Variants in MFN2 observed in about 807,000 individuals in gnomAD.
MFN2 encodes the protein mitofusin 2.
In MFN2, 43 loss-of-function variants were observed where a neutral mutation model predicts 87.5. The ratio of observed to expected loss-of-function variants is 0.49; its 90% CI spans 0.38 to 0.63. The LOEUF (loss-of-function observed/expected upper bound fraction) is 0.63, where lower values mean the gene tolerates loss of function less well. Among genes scored for constraint, MFN2 ranks in the 30% least tolerant of loss-of-function variants. The pLI is 0.00. For missense variants in MFN2, 743 were observed against 972.8 expected, an observed-to-expected ratio of 0.76 and a Z score of 3.14; for synonymous variants, 337 against 359.9, an observed-to-expected ratio of 0.94 and a Z score of 0.72.
rs1366486612 is a variant in MFN2, at chr1:12,005,879, G to A, written c.1664G>A (p.Arg555Lys). Residue 555 changes from arginine to lysine, a missense_variant, in exon 15 of 19, where the codon AGG becomes AAG. Physicochemically the swap from Arg to Lys is conservative, Grantham distance 26. This residue lies in a region of MFN2 where 571 missense variants were observed against 670.7 expected (regional missense o/e 0.85). Transcript: ENST00000235329. ...FSLGWTMLVN[R>K]FLGPKNSRRA... ...CTCGGATGGACCATGCTGGTGAATAGGTTCCTGGGCCCCAAGAACAGCCGT... is the reference window on the plus strand; with the variant it reads ...CTCGGATGGACCATGCTGGTGAATAAGTTCCTGGGCCCCAAGAACAGCCGT... The A allele has an allele frequency of 6.2e-7, 1 of 1,614,054 alleles. No homozygotes were observed. The highest frequency in any genetic ancestry group is 1.3e-5 in the African/African-American group (1 of 74,932).
At chr1:12,008,391 C>G (rs1241446148) in intron 17 of MFN2, among the ~76,000 whole-genome samples, 1 of 146,500 alleles carries the variant, frequency 6.8e-6, no homozygotes, top group Admixed American at 6.8e-5. Context: ...CCACCTCCCT[C>G]CCGGACGGGG....
At chr1:11,994,326 C>A (rs367696013) in intron 4 of MFN2, among the ~76,000 whole-genome samples, 4 of 152,190 alleles carry the variant, frequency 2.6e-5, no homozygotes, top group South Asian at 4.1e-4. Context: ...CGGTGGCTCA[C>A]GCCTGTAATC....
chr1:12,004,622 T>G lies in MFN2; in HGVS notation c.1392+9T>G. ...TCAAGGTTTATAAGAATGTGAGTCA[T>G]GGAGCAACAGGTCCTCTTGGCAGGA... On this transcript the variant is annotated intron_variant, in intron 13 of 18. Coordinates refer to ENST00000235329, the MANE Select transcript of MFN2 (RefSeq NM_014874.4). The surrounding 1 kb of genome is among the most constrained non-coding windows in gnomAD (Gnocchi z 4.2). 1 of 1,612,522 alleles carries G rather than the reference T, an allele frequency of 6.2e-7. No homozygotes were observed. The highest frequency in any genetic ancestry group is 8.5e-7 in the Non-Finnish European group (1 of 1,178,512).
intron 16 of MFN2, 49 bp downstream of exon 16, chr1:12,006,742 C>CCGGGGGGGG: frequency 1.2e-6 from 1 of 821,236 alleles, no homozygotes; most frequent in Non-Finnish European, 1.9e-6. Context: ...GGCAGGTGGG[C>CCGGGGGGGG]GGGGCCTGAG....
Position 12,004,597 on chromosome 1 carries a change from T to C in MFN2, c.1376T>C (p.Leu459Pro). The change falls in exon 13 of 19, where the codon CTC becomes CCC. Residue 459 changes from leucine to proline, a missense_variant. By Grantham distance (98) the Leu-to-Pro change is moderately conservative. This residue lies in a region of MFN2 where 571 missense variants were observed against 670.7 expected (regional missense o/e 0.85). Coordinates refer to ENST00000235329, the MANE Select transcript of MFN2 (RefSeq NM_014874.4). This position sits in a 1 kb window ranked among gnomAD's most constrained non-coding sequence, Gnocchi z 4.2. ...GACTTCCACCCTTCTCCAGTAGTCCTCAAGGTTTATAAGAATGTGAGTCAT... is the reference window on the plus strand; with the variant it reads ...GACTTCCACCCTTCTCCAGTAGTCCCCAAGGTTTATAAGAATGTGAGTCAT... ...QMDFHPSPVVLKVYKNELHRH... is the reference protein window; with the variant it reads ...QMDFHPSPVVPKVYKNELHRH... 1 of 1,614,044 alleles carries C rather than the reference T, an allele frequency of 6.2e-7. No homozygotes were observed. The highest frequency in any genetic ancestry group is 8.5e-7 in the Non-Finnish European group (1 of 1,179,922).
intron 18 of MFN2, 105 bp from the exon 19 acceptor site, chr1:12,011,391 G>A: frequency 5.3e-6 from 6 of 1,128,230 alleles, no homozygotes; most frequent in Non-Finnish European, 8.0e-6. Context: ...GTTGGAGGAT[G>A]ATGTAAGGGT....
At chr1:12,008,607 C>CGGG (rs921628504) in intron 17 of MFN2, among the ~76,000 whole-genome samples, 6 of 149,916 alleles carry the variant, frequency 4.0e-5, no homozygotes, top group African/African-American at 1.5e-4. Context: ...ACCTCCTAGA[C>CGGG]GGGGTTGTGG....
In MFN2 at chr1:12,011,695, CG is replaced by C; in HGVS notation, c.*131del. The C allele has an allele frequency of 4.1e-6, 4 of 965,612 alleles. No homozygotes were observed. Among genetic ancestry groups the C allele is most frequent in the Non-Finnish European group, 6.5e-6 (4 of 616,476 alleles). The allele number at this position is 965,612 out of a possible 1,614,324, so 59.8% of individuals were successfully genotyped here. On this transcript the variant is annotated 3_prime_UTR_variant, in exon 19 of 19. Coordinates refer to ENST00000235329, the MANE Select transcript of MFN2 (RefSeq NM_014874.4). ...GCCAAGAGAATGAAGCACCCAGTCT[CG>C]TACCATTTTGAGCCCTCCAGCACTA...
chr1:12,009,301 C>T (rs1465557727), intron 17 of MFN2, among the ~76,000 whole-genome samples: 2 of 152,154 alleles, frequency 1.3e-5, no homozygotes, highest in Admixed American at 1.3e-4. Context: ...GTGACGTGTC[C>T]TCTGCTACTC....
In MFN2 at chr1:12,003,360, G is replaced by A. The variant is rs1021174157; in HGVS notation, c.1161-632G>A. Among the ~76,000 whole-genome samples, 12 of 152,174 alleles carry A rather than the reference G, an allele frequency of 7.9e-5. No individual in the cohort carries two copies. Among genetic ancestry groups the A allele is most frequent in the Admixed American group, 2.6e-4 (4 of 15,284 alleles). On this transcript the variant is annotated intron_variant, in intron 11 of 18. Transcript: ENST00000235329. The surrounding 1 kb of genome is among the most constrained non-coding windows in gnomAD (Gnocchi z 4.1). ...TTTTGCCAGGCCTTGGTAGAAAATA[G>A]TGCCTTTAAAAATTTCATTTACAAC...
At chr1:11,999,179 A>C in intron 8 of MFN2, 84 bp downstream of exon 8, 1 of 1,061,564 alleles carries the variant, frequency 9.4e-7, no homozygotes, top group Non-Finnish European at 1.5e-6. Flanking sequence ...GCACCCCTGG[A>C]TCTAGTGACT....
intron 3 of MFN2, among the ~76,000 whole-genome samples, chr1:11,989,705 G>A (rs1638591141): frequency 6.6e-6 from 1 of 152,162 alleles, no homozygotes; most frequent in Admixed American, 6.5e-5. Flanking sequence ...CGGAGCCCAC[G>A]TGTTTTCCTT....
At chr1:11,998,519 G>A (rs1312268559) in intron 6 of MFN2, among the ~76,000 whole-genome samples, 1 of 151,624 alleles carries the variant, frequency 6.6e-6, no homozygotes, top group African/African-American at 2.4e-5. Context: ...TTGCACTCCA[G>A]CCCGGGCGAC....
At chr1:11,997,157 G>GTTAACT in intron 5 of MFN2, 140 bp from the exon 6 acceptor site, 1 of 1,323,988 alleles carries the variant, frequency 7.6e-7, no homozygotes, top group Non-Finnish European at 1.0e-6. Context: ...ACTCCCAGCT[G>GTTAACT]TTAACTTTTT....
intron 3 of MFN2, among the ~76,000 whole-genome samples, chr1:11,990,818 CATATA>C (rs1638643497): frequency 6.6e-6 from 1 of 152,182 alleles, no homozygotes; most frequent in Non-Finnish European, 1.5e-5. Context: ...CCCAGGTGCC[CATATA>C]AGGGAGGAAT....
Position 12,001,754 on chromosome 1 carries a change from G to A in MFN2, c.971-15G>A. 1 of 1,614,108 alleles carries A rather than the reference G, an allele frequency of 6.2e-7. No individual in the cohort carries two copies. Among genetic ancestry groups the A allele is most frequent in the Non-Finnish European group, 8.5e-7 (1 of 1,179,980 alleles). On this transcript the variant is annotated splice_polypyrimidine_tract_variant and intron_variant, in intron 9 of 18. Coordinates refer to ENST00000235329, the MANE Select transcript of MFN2 (RefSeq NM_014874.4). ...GCCAAGTTGTTTCTGGACTAATGCAGTACAATCCTCCTAGGGGGCGCTCTC... is the reference window on the plus strand; with the variant it reads ...GCCAAGTTGTTTCTGGACTAATGCAATACAATCCTCCTAGGGGGCGCTCTC...
At chr1:11,999,190 TC>T in intron 8 of MFN2, 95 bp downstream of exon 8, 3 of 985,242 alleles carry the variant, frequency 3.0e-6, no homozygotes, top group East Asian at 2.4e-5. Context: ...TCTAGTGACT[TC>T]CCTGAATTAA....
At chr1:11,996,867 A>G (rs553940149) in intron 5 of MFN2, among the ~76,000 whole-genome samples, 75 of 152,156 alleles carry the variant, frequency 4.9e-4, no homozygotes, top group African/African-American at 1.6e-3. Flanking sequence ...GTGAAACCCC[A>G]TCTCTACTAA....
chr1:11,987,363 C>T (rs564730001), intron 2 of MFN2, among the ~76,000 whole-genome samples: 30 of 151,156 alleles, frequency 2.0e-4, no homozygotes, highest in African/African-American at 6.8e-4. Context: ...GGCGTGGTGG[C>T]TCATGCCTGT....
Sources: gnomAD v4.1 joint callset for allele counts (sites outside exome capture counted in the v4.1 genomes callset) on GRCh38, gnomAD v4.1.1 for gene constraint, gnomAD v4.1.1 regional missense constraint, Gnocchi (gnomAD v3.1) non-coding constraint, MANE v1.5 for transcripts, NCBI Gene and HGNC (gene_info 2026-07-23, HGNC 2026-07-21) for gene names.